The following NXPH1 variants were observed in gnomAD, a reference collection of about 807,000 sequenced individuals.
NXPH1 encodes the protein neurexophilin-1.
A neutral mutation model predicts 23.7 loss-of-function variants in NXPH1; 5 were observed. The observed-to-expected ratio is 0.21, with a 90% CI of 0.11 to 0.44. NXPH1 has a LOEUF of 0.44. NXPH1 is among the 20% of genes least tolerant of loss of function. The pLI, the probability that NXPH1 is intolerant of heterozygous loss-of-function variation, is 0.99. For synonymous variants in NXPH1, 144 were observed against 122.2 expected, an observed-to-expected ratio of 1.18 and a Z score of -1.18; for missense variants, 324 against 321.6, an observed-to-expected ratio of 1.01 and a Z score of -0.06.
chr7:8,548,669 A>G (rs1199523552), intron 2 of NXPH1, among the ~76,000 whole-genome samples: 1 of 151,490 alleles, frequency 6.6e-6, no homozygotes, highest in Non-Finnish European at 1.5e-5. Context: ...TGATTTATGG[A>G]GTTGGCATTC....
chr7:8,440,386 C>T (rs1429797048), intron 2 of NXPH1, among the ~76,000 whole-genome samples: 2 of 152,196 alleles, frequency 1.3e-5, no homozygotes, highest in South Asian at 2.1e-4. Flanking sequence ...TCGGAGAGAA[C>T]CAGGATTGCT....
intron 2 of NXPH1, among the ~76,000 whole-genome samples, chr7:8,722,894 G>A (rs904654474): frequency 1.3e-5 from 2 of 152,124 alleles, no homozygotes; most frequent in African/African-American, 4.8e-5. Context: ...AGCCTCAGAT[G>A]TTTAGTGATT....
At chr7:8,510,753 T>A (rs1584201931) in intron 2 of NXPH1, among the ~76,000 whole-genome samples, 1 of 152,250 alleles carries the variant, frequency 6.6e-6, no homozygotes, top group Non-Finnish European at 1.5e-5. Flanking sequence ...ATAACCACTA[T>A]CAATATTAAT....
chr7:8,678,372 A>G (rs1358922010), intron 2 of NXPH1, among the ~76,000 whole-genome samples: 4 of 152,158 alleles, frequency 2.6e-5, no homozygotes, highest in African/African-American at 9.7e-5. Context: ...TACTCCTCTT[A>G]GAACTACTTA....
At chr7:8,677,565 A>T (rs918945310) in intron 2 of NXPH1, among the ~76,000 whole-genome samples, 2 of 152,182 alleles carry the variant, frequency 1.3e-5, no homozygotes, top group African/African-American at 4.8e-5. Flanking sequence ...ACAAAACCAG[A>T]TGATCAAGGT....
intron 2 of NXPH1, among the ~76,000 whole-genome samples, chr7:8,499,005 T>C (rs73675732): frequency 0.13 from 20,437 of 152,000 alleles, 1,594 homozygotes; most frequent in African/African-American, 0.2. Flanking sequence ...AGCTTGGACT[T>C]GAGAGAGTGT....
chr7:8,578,158 GTAT>G (rs1472879397), intron 2 of NXPH1, among the ~76,000 whole-genome samples: 20 of 152,268 alleles, frequency 1.3e-4, no homozygotes, highest in Non-Finnish European at 1.5e-4. Context: ...CTACCTGAAG[GTAT>G]TATTCTCCCT....
At chr7:8,676,659 T>G (rs1420796295) in intron 2 of NXPH1, among the ~76,000 whole-genome samples, 2 of 152,190 alleles carry the variant, frequency 1.3e-5, no homozygotes, top group Non-Finnish European at 2.9e-5. Flanking sequence ...AGTATAGAGC[T>G]TGGCTGCCTC....
At chr7:8,553,918 T>A (rs527659747) in intron 2 of NXPH1, among the ~76,000 whole-genome samples, 28 of 151,708 alleles carry the variant, frequency 1.8e-4, no homozygotes, top group Admixed American at 3.3e-4. Context: ...ATTGGAAAAA[T>A]TTTTCAATTA....
intron 2 of NXPH1, among the ~76,000 whole-genome samples, chr7:8,726,693 C>A (rs1486769498): frequency 1.6e-4 from 24 of 149,236 alleles, no homozygotes; most frequent in Middle Eastern, 3.4e-3. Flanking sequence ...GCATAGTATT[C>A]CATGGTGTAT....
chr7:8,555,094 T>G (rs1451820534), intron 2 of NXPH1, among the ~76,000 whole-genome samples: 2 of 151,588 alleles, frequency 1.3e-5, no homozygotes, highest in Non-Finnish European at 3.0e-5. Context: ...TAAAAGGCAT[T>G]GAATGAAAGG....
At chr7:8,743,268 C>T (rs1780397037) in intron 2 of NXPH1, among the ~76,000 whole-genome samples, 1 of 151,778 alleles carries the variant, frequency 6.6e-6, no homozygotes, top group South Asian at 2.1e-4. Flanking sequence ...ATTATTTATG[C>T]TGAACAGTAA....
chr7:8,462,017 A>G (rs946730294), intron 2 of NXPH1, among the ~76,000 whole-genome samples: 1 of 150,268 alleles, frequency 6.7e-6, no homozygotes, highest in African/African-American at 2.5e-5. Flanking sequence ...AAATGACCAC[A>G]CTGTTATGTA....
At chr7:8,497,080 C>A (rs62448061) in intron 2 of NXPH1, among the ~76,000 whole-genome samples, 11,283 of 152,188 alleles carry the variant, frequency 0.074, 466 homozygotes, top group South Asian at 0.088. Context: ...TCTCATTGTT[C>A]AGTTCCCACC....
chr7:8,541,987 T>C (rs1818125259), intron 2 of NXPH1, among the ~76,000 whole-genome samples: 2 of 151,488 alleles, frequency 1.3e-5, no homozygotes, highest in African/African-American at 4.8e-5. Context: ...TAATGATAGA[T>C]TTAAACCTAA....
intron 2 of NXPH1, among the ~76,000 whole-genome samples, chr7:8,466,639 T>A (rs1412426223): frequency 6.6e-6 from 1 of 152,158 alleles, no homozygotes; most frequent in East Asian, 1.9e-4. Flanking sequence ...AGGAAGATGG[T>A]GTGGGGAAAA....
intron 2 of NXPH1, among the ~76,000 whole-genome samples, chr7:8,572,356 T>C (rs1400344170): frequency 6.6e-6 from 1 of 151,928 alleles, no homozygotes; most frequent in East Asian, 1.9e-4. Flanking sequence ...TACAAACATG[T>C]ATATATTCAA....
At chr7:8,495,477 C>G (rs1410233666) in intron 2 of NXPH1, among the ~76,000 whole-genome samples, 1 of 151,880 alleles carries the variant, frequency 6.6e-6, no homozygotes, top group Non-Finnish European at 1.5e-5. Context: ...ACCATGATGC[C>G]ATGGATGAGA....
At chr7:8,571,515 A>G (rs1818647456) in intron 2 of NXPH1, among the ~76,000 whole-genome samples, 1 of 151,818 alleles carries the variant, frequency 6.6e-6, no homozygotes, top group Non-Finnish European at 1.5e-5. Flanking sequence ...TGGATTGAGG[A>G]AAAAGGAGTC....
Sources: gnomAD v4.1 joint callset for allele counts (sites outside exome capture counted in the v4.1 genomes callset) on GRCh38, gnomAD v4.1.1 for gene constraint, MANE v1.5 for transcripts, NCBI Gene and HGNC (gene_info 2026-07-23, HGNC 2026-07-21) for gene names.